Variants in CDKAL1 observed in about 807,000 individuals in gnomAD.
The protein encoded by CDKAL1 is CDKAL1 threonylcarbamoyladenosine tRNA methylthiotransferase, also known as threonylcarbamoyladenosine tRNA methylthiotransferase.
CDKAL1 carries 32 observed loss-of-function variants against 68.2 expected under a neutral mutation model. The ratio of observed to expected loss-of-function variants is 0.47; its 90% CI spans 0.35 to 0.63. The LOEUF (loss-of-function observed/expected upper bound fraction) is 0.63, where lower values mean the gene tolerates loss of function less well. Among genes scored for constraint, CDKAL1 ranks in the 30% least tolerant of loss-of-function variants. CDKAL1 has a pLI of 0.00. For synonymous variants in CDKAL1, 234 were observed against 244.3 expected (o/e 0.96, Z 0.39); for missense variants, 606 against 696.7 (o/e 0.87, Z 1.47).
At chr6:21,049,940 C>A (rs565403783) in intron 11 of CDKAL1, among the ~76,000 whole-genome samples, 1 of 151,328 alleles carries the variant, frequency 6.6e-6, no homozygotes, top group African/African-American at 2.4e-5. Flanking sequence ...ATTTTAAATT[C>A]TCAGAATATT....
intron 14 of CDKAL1, among the ~76,000 whole-genome samples, chr6:21,199,258 C>T (rs888828167): frequency 6.6e-6 from 1 of 152,138 alleles, no homozygotes; most frequent in Non-Finnish European, 1.5e-5. Context: ...TGACATTCCC[C>T]AGGGAATCAT....
At chr6:20,990,674 G>A (rs191551528) in intron 10 of CDKAL1, among the ~76,000 whole-genome samples, 53 of 152,316 alleles carry the variant, frequency 3.5e-4, no homozygotes, top group Non-Finnish European at 1.6e-4. Flanking sequence ...TAATGAAAAT[G>A]TATTAGTAAT....
chr6:20,964,343 T>C (rs1042303584), intron 10 of CDKAL1, among the ~76,000 whole-genome samples: 8 of 152,178 alleles, frequency 5.3e-5, no homozygotes, highest in Admixed American at 2.0e-4. Context: ...CATTCTGTTA[T>C]AAAGTCACAT....
At chr6:21,175,042 A>AC in intron 13 of CDKAL1, among the ~76,000 whole-genome samples, 1 of 152,336 alleles carries the variant, frequency 6.6e-6, no homozygotes. Flanking sequence ...TGGAGGCACG[A>AC]CATGACCAGA....
intron 10 of CDKAL1, among the ~76,000 whole-genome samples, chr6:20,985,120 A>G (rs1404919032): frequency 1.3e-5 from 2 of 152,130 alleles, no homozygotes; most frequent in Non-Finnish European, 2.9e-5. Flanking sequence ...TTGTAATTAT[A>G]CATATTTATA....
In CDKAL1 at chr6:20,732,205, C is replaced by T. The variant is rs191150946; in HGVS notation, c.372-7314C>T. 3.1e-3 allele frequency among the ~76,000 whole-genome samples: 472 copies of T among 151,408 alleles called. 6 individuals carry two copies. The highest frequency in any genetic ancestry group is 0.028 in the Admixed American group (431 of 15,182). ...GGACTACAGGTGTGTACCATCTTGCCTGGCTATGAGAACCATCTCCTTTTC... is the reference window on the plus strand; with the variant it reads ...GGACTACAGGTGTGTACCATCTTGCTTGGCTATGAGAACCATCTCCTTTTC... On this transcript the variant is annotated intron_variant, in intron 5 of 15. Coordinates refer to ENST00000274695, the MANE Select transcript of CDKAL1 (RefSeq NM_017774.3).
At chr6:20,575,376 C>G (rs1230983167) in intron 4 of CDKAL1, among the ~76,000 whole-genome samples, 2 of 148,160 alleles carry the variant, frequency 1.3e-5, no homozygotes, top group East Asian at 3.9e-4. Flanking sequence ...TCTGCGGGGA[C>G]CATCTGCTGT....
chr6:20,800,162 T>TTTCTC (rs1776307148), intron 8 of CDKAL1, among the ~76,000 whole-genome samples: 1 of 151,954 alleles, frequency 6.6e-6, no homozygotes, highest in Admixed American at 6.5e-5. Flanking sequence ...TTTCTTTTCT[T>TTTCTC]TTCTTTTAAA....
intron 4 of CDKAL1, among the ~76,000 whole-genome samples, chr6:20,646,979 A>G (rs1441052892): frequency 6.6e-6 from 1 of 151,916 alleles, no homozygotes; most frequent in Non-Finnish European, 1.5e-5. Flanking sequence ...TCCTAACCTC[A>G]GGTGATCCAC....
At chr6:20,753,664 C>A (rs1173175164) in intron 6 of CDKAL1, among the ~76,000 whole-genome samples, 1 of 152,182 alleles carries the variant, frequency 6.6e-6, no homozygotes, top group Non-Finnish European at 1.5e-5. Flanking sequence ...TCGTTGTATG[C>A]ATATGCCACA....
At chr6:20,580,985 C>T (rs768333169) in intron 4 of CDKAL1, among the ~76,000 whole-genome samples, 1 of 152,144 alleles carries the variant, frequency 6.6e-6, no homozygotes, top group African/African-American at 2.4e-5. Flanking sequence ...GATGGGGTTT[C>T]TTCATGTTGG....
At chr6:20,905,812 A>T (rs1372777577) in intron 9 of CDKAL1, among the ~76,000 whole-genome samples, 1 of 152,188 alleles carries the variant, frequency 6.6e-6, no homozygotes, top group South Asian at 2.1e-4. Context: ...ACAAAACAAC[A>T]CAAAACAAAC....
chr6:21,069,098 C>T (rs564839674), intron 12 of CDKAL1, among the ~76,000 whole-genome samples: 1 of 152,060 alleles, frequency 6.6e-6, no homozygotes, highest in African/African-American at 2.4e-5. Context: ...TCTTAGTATA[C>T]AGTTATGTCA....
intron 15 of CDKAL1, among the ~76,000 whole-genome samples, chr6:21,225,367 TC>T (rs1779702331): frequency 6.6e-6 from 1 of 152,052 alleles, no homozygotes; most frequent in Non-Finnish European, 1.5e-5. Context: ...GGTGCTGACT[TC>T]ACAATGGACG....
intron 11 of CDKAL1, among the ~76,000 whole-genome samples, chr6:21,023,963 G>C (rs1308470375): frequency 6.6e-6 from 1 of 152,084 alleles, no homozygotes; most frequent in Admixed American, 6.6e-5. Context: ...AGGGGAAACT[G>C]TCCTTGGCTG....
rs547012340 is a variant in CDKAL1, at chr6:20,667,955, A to G, written c.371+18578A>G. ...CAATGGAAACTTCATTACAGCTCTG[A>G]TGTTAGCCACCTTATGCCCTTTACC... On this transcript the variant is annotated intron_variant, in intron 5 of 15. Transcript: ENST00000274695. Among the ~76,000 whole-genome samples the G allele has an allele frequency of 3.9e-5, 6 of 152,236 alleles. No individual in the cohort carries two copies. In the South Asian group the frequency reaches 6.2e-4, roughly 16 times the overall value.
At chr6:21,143,083 C>T (rs763339830) in intron 13 of CDKAL1, among the ~76,000 whole-genome samples, 3 of 152,210 alleles carry the variant, frequency 2.0e-5, no homozygotes, top group Non-Finnish European at 4.4e-5. Context: ...ATCATTCTAT[C>T]AGGCTCAAAA....
At chr6:20,543,297 A>T (rs183514856) in intron 2 of CDKAL1, among the ~76,000 whole-genome samples, 2 of 152,350 alleles carry the variant, frequency 1.3e-5, no homozygotes, top group Admixed American at 1.3e-4. Flanking sequence ...TGTATGAATG[A>T]TGCAGTTTCT....
intron 8 of CDKAL1, among the ~76,000 whole-genome samples, chr6:20,823,705 A>G (rs1777383012): frequency 6.6e-6 from 1 of 152,180 alleles, no homozygotes; most frequent in Non-Finnish European, 1.5e-5. Flanking sequence ...GGATTCATCA[A>G]ATAACTCTTC....
Sources: allele counts gnomAD v4.1 joint callset (sites outside exome capture counted in the v4.1 genomes callset), GRCh38; gene constraint gnomAD v4.1.1; transcripts MANE v1.5; gene names NCBI Gene and HGNC (gene_info 2026-07-23, HGNC 2026-07-21).